The following TBC1D17 variants were observed in gnomAD, a reference collection of about 807,000 sequenced individuals.
The protein encoded by TBC1D17 is TBC1 domain family member 17, also known as TBC1 domain family, member 17.
Under a neutral mutation model 78.8 loss-of-function variants are expected in TBC1D17, and 69 were observed. The observed-to-expected ratio is 0.88, with a 90% CI of 0.72 to 1.07. TBC1D17 has a LOEUF of 1.07. TBC1D17 is among the 50% of genes least tolerant of loss of function. TBC1D17 has a pLI of 0.00. For missense variants in TBC1D17, 957 were observed against 861.0 expected (o/e 1.11, Z -1.39); for synonymous variants, 456 against 358.3 (o/e 1.27, Z -3.08).
Position 49,884,482 on chromosome 19 carries a change from C to A in TBC1D17, c.1267C>A (p.Leu423Ile), listed in dbSNP as rs2075042526. Residue 423 changes from leucine (L) to isoleucine (I), a missense_variant, in exon 12 of 17, where the codon CTT becomes ATT. Leu to Ile is a conservative substitution (Grantham distance 5, BLOSUM62 2). Transcript: ENST00000221543. The stretch of plus-strand genomic sequence containing the variant: ...AGGCTACGTCCAGGGCATGAGTGAT[C>A]TTCTCTCCCCGATCCTCTACGTCAT... ...DLGYVQGMSD[L>I]LSPILYVIQN... 7 of 1,614,142 alleles carry A rather than the reference C, an allele frequency of 4.3e-6. No individual in the cohort carries two copies. Among genetic ancestry groups the A allele is most frequent in the Non-Finnish European group, 5.9e-6 (7 of 1,180,004 alleles).
intron 12 of TBC1D17, 41 bp from the exon 13 acceptor site, chr19:49,884,618 C>G: frequency 6.2e-7 from 1 of 1,613,476 alleles, no homozygotes; most frequent in South Asian, 1.1e-5. Context: ...GTCCTGGTAC[C>G]TCACGGGGTC....
rs1329128804 is a variant in TBC1D17 at position 49,888,579 on chromosome 19, C to T, written c.1902C>T (p.Ser634=). The change falls in exon 17 of 17, where the codon AGC becomes AGT. Residue 634 remains serine (S), a synonymous_variant. Coordinates refer to ENST00000221543, the MANE Select transcript of TBC1D17 (RefSeq NM_024682.3). ...STDTAPQPDS[S]LEILPEEEDE... is the part of the protein sequence containing the mutation. The stretch of plus-strand genomic sequence containing the variant: ...ACACAGCCCCGCAGCCCGACAGCAG[C>T]CTGGAGATCCTGCCCGAGGAGGAGG... 6.5e-7 allele frequency: 1 copy of T among 1,536,578 alleles called. No homozygotes were observed. The highest frequency in any genetic ancestry group is 1.2e-5 in the South Asian group (1 of 83,980).
chr19:49,884,341 C>G lies in TBC1D17; in HGVS notation c.1215C>G (p.Leu405=). The G allele has an allele frequency of 6.2e-7, 1 of 1,614,132 alleles. No individual in the cohort carries two copies. Among genetic ancestry groups the G allele is most frequent in the Non-Finnish European group, 8.5e-7 (1 of 1,180,036 alleles). Residue 405 remains leucine, a synonymous_variant, in exon 11 of 17, where the codon CTC becomes CTG. Coordinates refer to ENST00000221543, the MANE Select transcript of TBC1D17 (RefSeq NM_024682.3). ...PGLGLLNDIL[L]TYCMYHFDLG... is the part of the protein sequence containing the mutation. The stretch of plus-strand genomic sequence containing the variant: ...TGGGCCTGCTGAACGATATCCTCCT[C>G]ACCTACTGCATGTATCACTTCGACC...
At chr19:49,878,688 C>A in intron 3 of TBC1D17, 116 bp downstream of exon 3, 1 of 964,634 alleles carries the variant, frequency 1.0e-6, no homozygotes, top group South Asian at 1.4e-5. Context: ...CATGTGTGAC[C>A]CTGTTTAGGC....
At position 49,878,568 on chromosome 19, in the gene TBC1D17, A is replaced by G; in HGVS notation, c.191A>G (p.Lys64Arg). The change falls in exon 3 of 17, where the codon AAG (lysine) becomes AGG (arginine). Residue 64 changes from lysine (K) to arginine (R), a missense_variant. By Grantham distance (26) the Lys-to-Arg change is conservative. Transcript: ENST00000221543. Reference protein sequence around the residue: ...AGDSTQILFSKKDSSGGDSCA... With the variant: ...AGDSTQILFSRKDSSGGDSCA... ...GATTCCACCCAAATCCTCTTCTCCA[A>G]GAAGGTAGGCTCCACCCGCTTTGCC... The G allele has an allele frequency of 2.5e-6, 4 of 1,614,022 alleles. No homozygotes were observed. Among genetic ancestry groups the G allele is most frequent in the South Asian group, 1.1e-5 (1 of 91,082 alleles).
At position 49,882,416 on chromosome 19, in the gene TBC1D17, A is replaced by AC; in HGVS notation, c.798+19dup. ...CATTTCCTGTGTGAGTAGTGAGTGGACCCTCCCTGTTATTTCTGGCCGTGT... is the reference window on the plus strand; with the variant it reads ...CATTTCCTGTGTGAGTAGTGAGTGGACCCCTCCCTGTTATTTCTGGCCGTGT... On this transcript the variant is annotated intron_variant, in intron 7 of 16. Coordinates refer to ENST00000221543, the MANE Select transcript of TBC1D17 (RefSeq NM_024682.3). 1 of 1,590,166 alleles carries AC rather than the reference A, an allele frequency of 6.3e-7. No individual in the cohort carries two copies. Among genetic ancestry groups the AC allele is most frequent in the Non-Finnish European group, 8.5e-7 (1 of 1,170,274 alleles).
At position 49,884,731 on chromosome 19, in the gene TBC1D17, C is replaced by G; in HGVS notation, c.1417C>G (p.Leu473Val). The G allele has an allele frequency of 3.7e-6, 6 of 1,614,026 alleles. No homozygotes were observed. Among genetic ancestry groups the G allele is most frequent in the Non-Finnish European group, 5.1e-6 (6 of 1,180,022 alleles). ...LGRLLLLLRV[L>V]DPLLCDFLDS... ...GCGACTGCTGCTGCTCCTGAGGGTGCTGGACCCCCTGCTCTGCGACTTCCT... is the reference window on the plus strand; with the variant it reads ...GCGACTGCTGCTGCTCCTGAGGGTGGTGGACCCCCTGCTCTGCGACTTCCT... The change falls in exon 13 of 17, where the codon CTG becomes GTG. Residue 473 changes from leucine (L) to valine (V), a missense_variant. By Grantham distance (32) the Leu-to-Val change is conservative (BLOSUM62 1). Transcript: ENST00000221543.
rs1318503621 is a variant in TBC1D17 at position 49,882,704 on chromosome 19, C to G, written c.799-60C>G. On this transcript the variant is annotated intron_variant, in intron 7 of 16. Coordinates refer to ENST00000221543, the MANE Select transcript of TBC1D17 (RefSeq NM_024682.3). The stretch of plus-strand genomic sequence containing the variant: ...AGCTCTCTGAGCTTGTGGACTGAGG[C>G]TGGGTTGGGTCCCCCCACCACCCCG... 5 of 1,465,040 alleles carry G rather than the reference C, an allele frequency of 3.4e-6. No homozygotes were observed. In the Admixed American group the frequency reaches 8.2e-5, roughly 24 times the overall value. The allele number at this position is 1,465,040 out of a possible 1,614,324, so 90.8% of individuals were successfully genotyped here.
chr19:49,885,966 C>T (rs961140225), intron 13 of TBC1D17, among the ~76,000 whole-genome samples: 1 of 137,570 alleles, frequency 7.3e-6, no homozygotes, highest in Non-Finnish European at 1.5e-5. Context: ...CAGAGTGAGA[C>T]CTTGCCTCAA....
At position 49,888,281 on chromosome 19, in the gene TBC1D17, C is replaced by T. The variant is rs762212148; in HGVS notation, c.1710C>T (p.Arg570=). 4 of 1,592,840 alleles carry T rather than the reference C, an allele frequency of 2.5e-6. No homozygotes were observed. Among genetic ancestry groups the T allele is most frequent in the African/African-American group, 1.3e-5 (1 of 74,836 alleles). Residue 570 remains arginine, a synonymous_variant, in exon 16 of 17, where the codon CGC becomes CGT. Coordinates refer to ENST00000221543, the MANE Select transcript of TBC1D17 (RefSeq NM_024682.3). ...MKLSVEDVLT[R]AEALHRQLTA... Reference sequence around the variant, plus strand: ...TGAGCGTGGAGGACGTGCTGACCCGCGCCGAGGCCCTGCACCGCCAGCTAA... The same window carrying T: ...TGAGCGTGGAGGACGTGCTGACCCGTGCCGAGGCCCTGCACCGCCAGCTAA...
At chr19:49,878,887 T>C in intron 3 of TBC1D17, 1 of 333,456 alleles carries the variant, frequency 3.0e-6, no homozygotes, top group Admixed American at 4.4e-5. Flanking sequence ...GAAATGGCAT[T>C]TCCTCTGGTG....
intron 5 of TBC1D17, 95 bp from the exon 6 acceptor site, chr19:49,881,946 C>T (rs1192678570): frequency 4.6e-6 from 5 of 1,094,934 alleles, no homozygotes; most frequent in Non-Finnish European, 6.9e-6. Flanking sequence ...GTGGTTGGGA[C>T]GCTGCAGCTG....
At chr19:49,879,467 G>C (rs2074990715) in intron 3 of TBC1D17, 1 of 152,296 alleles carries the variant, frequency 6.6e-6, no homozygotes, top group African/African-American at 2.4e-5. Context: ...CACAGCCAAG[G>C]CACCAGGAAG....
rs1422645041 is a variant in TBC1D17 at position 49,887,256 on chromosome 19, A to G, written c.1445-220A>G. ...GGCGTCCTGCCTCCCTTCCATGTCCATGGCAGATGTGGAAGTATAATAGCA... is the reference window on the plus strand; with the variant it reads ...GGCGTCCTGCCTCCCTTCCATGTCCGTGGCAGATGTGGAAGTATAATAGCA... On this transcript the variant is annotated intron_variant, in intron 13 of 16. Coordinates refer to ENST00000221543, the MANE Select transcript of TBC1D17 (RefSeq NM_024682.3). 21 of 553,798 alleles carry G rather than the reference A, an allele frequency of 3.8e-5. No individual in the cohort carries two copies. In the East Asian group the frequency reaches 6.7e-4, roughly 18 times the overall value. The allele number at this position is 553,798 out of a possible 1,614,324, so 34.3% of individuals were successfully genotyped here.
chr19:49,883,533 G>T (rs1232699739), intron 9 of TBC1D17, 118 bp from the exon 10 acceptor site: 2 of 763,946 alleles, frequency 2.6e-6, no homozygotes, highest in African/African-American at 1.7e-5. Flanking sequence ...ACCTGCTTGG[G>T]TCTGTGTGGT....
chr19:49,881,604 C>T (rs1354727756), intron 5 of TBC1D17, 129 bp downstream of exon 5: 5 of 915,214 alleles, frequency 5.5e-6, no homozygotes, highest in South Asian at 1.7e-5. Flanking sequence ...TTGACCAGCA[C>T]ATATAACTAA....
chr19:49,881,529 G>A, intron 5 of TBC1D17, 54 bp downstream of exon 5: 1 of 1,543,370 alleles, frequency 6.5e-7, no homozygotes, highest in Non-Finnish European at 8.8e-7. Context: ...CACCATGGCT[G>A]CAGCGTGACC....
chr19:49,881,761 C>T (rs372819056), intron 5 of TBC1D17, among the ~76,000 whole-genome samples: 28 of 152,328 alleles, frequency 1.8e-4, no homozygotes, highest in East Asian at 9.6e-4. Flanking sequence ...CACCTCTTTC[C>T]CCACGTTCCA....
In TBC1D17 at chr19:49,883,758, G is replaced by A; in HGVS notation, c.1126+13G>A. On this transcript the variant is annotated intron_variant, in intron 10 of 16. Coordinates refer to ENST00000221543, the MANE Select transcript of TBC1D17 (RefSeq NM_024682.3). ...CGCAGCCTCATCGGTCAGTGTCAGG[G>A]GTGGCACTTAGGGTGGATGGGAGCA... is the stretch of plus-strand genomic sequence containing the variant. 6.2e-7 allele frequency: 1 copy of A among 1,611,028 alleles called. No individual in the cohort carries two copies.
Sources: allele counts gnomAD v4.1 joint callset (sites outside exome capture counted in the v4.1 genomes callset), GRCh38; gene constraint gnomAD v4.1.1; transcripts MANE v1.5; gene names NCBI Gene and HGNC (gene_info 2026-07-23, HGNC 2026-07-21).